The following ARHGEF2 variants were observed in gnomAD, a reference collection of about 807,000 sequenced individuals.
ARHGEF2 encodes the protein Rho/Rac guanine nucleotide exchange factor 2, also known as rho guanine nucleotide exchange factor 2.
ARHGEF2 carries 22 observed loss-of-function variants against 121.0 expected under a neutral mutation model. That is an observed-to-expected ratio of 0.18 (90% CI 0.13 to 0.26). The LOEUF (loss-of-function observed/expected upper bound fraction) is 0.26. Among genes scored for constraint, ARHGEF2 ranks in the 10% least tolerant of loss-of-function variants. The pLI is 1.00. For missense variants in ARHGEF2, 907 were observed against 1,336.0 expected, an observed-to-expected ratio of 0.68 and a Z score of 5.01; for synonymous variants, 487 against 530.0, an observed-to-expected ratio of 0.92 and a Z score of 1.11.
chr1:155,955,550 C>T (rs1250417585), intron 13 of ARHGEF2, among the ~76,000 whole-genome samples: 1 of 152,166 alleles, frequency 6.6e-6, no homozygotes, highest in Non-Finnish European at 1.5e-5. Flanking sequence ...GATGCAAATC[C>T]TGGCTCCACT....
intron 12 of ARHGEF2, 74 bp from the exon 13 acceptor site, chr1:155,957,956 T>C (rs1453129413): frequency 1.1e-5 from 16 of 1,476,738 alleles, no homozygotes; most frequent in African/African-American, 1.4e-5. Context: ...TCAATCCTTC[T>C]GGACGAGGAC....
intron 1 of ARHGEF2, among the ~76,000 whole-genome samples, chr1:155,975,841 T>G (rs1681206673): frequency 6.6e-6 from 1 of 151,928 alleles, no homozygotes; most frequent in Admixed American, 6.6e-5. Context: ...GGTTGGGGTT[T>G]GGGAAAGGAG....
upstream of ARHGEF2, chr1:155,979,032 C>G: frequency 7.1e-6 from 7 of 985,552 alleles, no homozygotes; most frequent in Non-Finnish European, 8.4e-6. Flanking sequence ...GCAGACTGAC[C>G]CCTTTTACGA....
At chr1:155,970,411 C>G in intron 1 of ARHGEF2, 1 of 985,510 alleles carries the variant, frequency 1.0e-6, no homozygotes. Flanking sequence ...ACTCTTCCCA[C>G]TATTCTAGGA....
At chr1:155,949,917 A>C (rs994895579) in intron 21 of ARHGEF2, among the ~76,000 whole-genome samples, 1 of 152,058 alleles carries the variant, frequency 6.6e-6, no homozygotes, top group Non-Finnish European at 1.5e-5. Context: ...TAAAATAAAA[A>C]AATAAATAAA....
At chr1:155,970,685 G>A in intron 1 of ARHGEF2, 1 of 985,974 alleles carries the variant, frequency 1.0e-6, no homozygotes, top group Non-Finnish European at 1.2e-6. Context: ...GCAGCTGAGA[G>A]GTGGAGGAGG....
chr1:155,963,753 C>T (rs1678468654), intron 7 of ARHGEF2, among the ~76,000 whole-genome samples: 1 of 152,014 alleles, frequency 6.6e-6, no homozygotes, highest in South Asian at 2.1e-4. Flanking sequence ...CTCACTGCAG[C>T]CTCGAACTTC....
Position 155,978,214 on chromosome 1 carries a change from CA to C in ARHGEF2, c.63+150del, listed in dbSNP as rs1681676297. On this transcript the variant is annotated intron_variant, in intron 1 of 21. Coordinates refer to ENST00000361247, the MANE Select transcript of ARHGEF2 (RefSeq NM_001162383.2). The surrounding 1 kb of genome is among the most constrained non-coding windows in gnomAD (Gnocchi z 4.1). ...CCCCTACCCACTCGCTCGCAGTCCCCACCCACCCCGTCCCGCCGCTCGCCGA... is the reference window on the plus strand; with the variant it reads ...CCCCTACCCACTCGCTCGCAGTCCCCCCCACCCCGTCCCGCCGCTCGCCGA... 1.5e-5 allele frequency: 20 copies of C among 1,311,468 alleles called. No homozygotes were observed. The highest frequency in any genetic ancestry group is 1.0e-4 in the East Asian group (3 of 29,792). The allele number at this position is 1,311,468 out of a possible 1,614,324, so 81.2% of individuals were successfully genotyped here.
intron 14 of ARHGEF2, among the ~76,000 whole-genome samples, chr1:155,953,629 C>T (rs1340604417): frequency 2.0e-5 from 3 of 151,688 alleles, no homozygotes; most frequent in Non-Finnish European, 4.4e-5. Flanking sequence ...GTAATCCCAG[C>T]TCCTTGGGAG....
chr1:155,959,945 T>C (rs1291131027), intron 11 of ARHGEF2, among the ~76,000 whole-genome samples: 3 of 152,168 alleles, frequency 2.0e-5, no homozygotes, highest in Non-Finnish European at 4.4e-5. Context: ...TCCTGGCATA[T>C]TCCCACTTCT....
chr1:155,970,666 G>A, intron 1 of ARHGEF2: 1 of 985,568 alleles, frequency 1.0e-6, no homozygotes, highest in Non-Finnish European at 1.2e-6. Context: ...AGGCCACGAG[G>A]CCACGCCAGC....
intron 2 of ARHGEF2, among the ~76,000 whole-genome samples, chr1:155,967,242 A>T (rs370952352): frequency 1.2e-4 from 18 of 152,298 alleles, no homozygotes; most frequent in African/African-American, 4.3e-4. Context: ...GATGGAAGAG[A>T]GGACTCCCAC....
chr1:155,962,042 C>T lies in ARHGEF2; in HGVS notation c.1219+63G>A, dbSNP rs996704547. 72 of 1,606,878 alleles carry T rather than the reference C, an allele frequency of 4.5e-5. 1 individual carries two copies. The Middle Eastern group carries it at 5.0e-4, about 11-fold the overall frequency. The stretch of plus-strand genomic sequence containing the variant: ...GACCCCACCCTTCCTGTGGTCATAC[C>T]GAGCCTTTCCTCACCCCAGGTGGCC... On this transcript the variant is annotated intron_variant, in intron 10 of 21. Transcript: ENST00000361247. This position sits in a 1 kb window ranked among gnomAD's most constrained non-coding sequence, Gnocchi z 5.8.
At chr1:155,957,659 T>C in intron 13 of ARHGEF2, 54 bp downstream of exon 13, 1 of 1,545,344 alleles carries the variant, frequency 6.5e-7, no homozygotes, top group Middle Eastern at 2.3e-4. Context: ...TGGGATCTAA[T>C]GCTGCAGGTA....
chr1:155,957,707 A>G lies in ARHGEF2; in HGVS notation c.1715+6T>C, dbSNP rs781487402. ...AAGCACATGCAGGCGGCAGGCAGAC[A>G]CTCACGTGCGCACGCTCTGCTGAAT... On this transcript the variant is annotated splice_donor_region_variant and intron_variant, in intron 13 of 21. Coordinates refer to ENST00000361247, the MANE Select transcript of ARHGEF2 (RefSeq NM_001162383.2). The G allele has an allele frequency of 6.2e-7, 1 of 1,606,204 alleles. No homozygotes were observed. The highest frequency in any genetic ancestry group is 8.5e-7 in the Non-Finnish European group (1 of 1,176,870).
At chr1:155,972,803 G>A (rs1680701936) in intron 1 of ARHGEF2, among the ~76,000 whole-genome samples, 1 of 151,674 alleles carries the variant, frequency 6.6e-6, no homozygotes, top group Non-Finnish European at 1.5e-5. Context: ...CCGGGCTCAA[G>A]TGATCCTTCC....
At chr1:155,974,343 G>T (rs748436284) in intron 1 of ARHGEF2, among the ~76,000 whole-genome samples, 3 of 152,168 alleles carry the variant, frequency 2.0e-5, no homozygotes, top group Admixed American at 6.5e-5. Flanking sequence ...AATAGTGACC[G>T]GAGAGCCTGT....
In ARHGEF2 at chr1:155,978,435, C is replaced by G; in HGVS notation, c.-8G>C. 1 of 1,489,160 alleles carries G rather than the reference C, an allele frequency of 6.7e-7. No homozygotes were observed. The highest frequency in any genetic ancestry group is 9.0e-7 in the Non-Finnish European group (1 of 1,105,244). 92.2% of individuals were successfully genotyped at this position (1,489,160 alleles called of 1,614,324 possible). On this transcript the variant is annotated 5_prime_UTR_variant, in exon 1 of 22. Coordinates refer to ENST00000361247, the MANE Select transcript of ARHGEF2 (RefSeq NM_001162383.2). This position sits in a 1 kb window ranked among gnomAD's most constrained non-coding sequence, Gnocchi z 4.1. ...GGATTCGATCCGAGACATAATCGGA[C>G]GGGGGGACCAGGGAGGACGCGGCGC... is the stretch of plus-strand genomic sequence containing the variant.
chr1:155,968,996 G>C (rs1679972737), intron 2 of ARHGEF2, 160 bp downstream of exon 2: 1 of 817,072 alleles, frequency 1.2e-6, no homozygotes, highest in Non-Finnish European at 1.9e-6. Context: ...TCAGAGTGAG[G>C]ACAGGGAGCA....
Sources: allele counts gnomAD v4.1 joint callset (sites outside exome capture counted in the v4.1 genomes callset), GRCh38; gene constraint gnomAD v4.1.1; non-coding constraint Gnocchi (gnomAD v3.1); transcripts MANE v1.5; gene names NCBI Gene and HGNC (gene_info 2026-07-23, HGNC 2026-07-21).